Variants in ZC3H11A observed in about 807,000 individuals in gnomAD.
ZC3H11A encodes the protein zinc finger CCCH domain-containing protein 11A.
A neutral mutation model predicts 90.8 loss-of-function variants in ZC3H11A; 22 were observed. The ratio of observed to expected loss-of-function variants is 0.24; its 90% CI spans 0.17 to 0.35. The LOEUF (loss-of-function observed/expected upper bound fraction) is 0.35. Ranked by LOEUF, ZC3H11A falls within the 10% of genes least tolerant of loss-of-function variation. ZC3H11A has a pLI of 1.00. For missense variants in ZC3H11A, 701 were observed against 964.9 expected, an observed-to-expected ratio of 0.73 and a Z score of 3.62; for synonymous variants, 294 against 339.8, an observed-to-expected ratio of 0.87 and a Z score of 1.48.
At chr1:203,837,826 TA>T in intron 10 of ZC3H11A, 139 bp from the exon 11 acceptor site, 1 of 766,060 alleles carries the variant, frequency 1.3e-6, no homozygotes, top group Non-Finnish European at 2.1e-6. Flanking sequence ...CATTGAACTC[TA>T]AGGAAGCTGG....
At chr1:203,809,312 A>G (rs1190983351) in intron 2 of ZC3H11A, among the ~76,000 whole-genome samples, 2 of 150,508 alleles carry the variant, frequency 1.3e-5, no homozygotes, top group Non-Finnish European at 2.9e-5. Flanking sequence ...AGTAACTGGG[A>G]CAACAGGCGC....
At position 203,852,336 on chromosome 1, in the gene ZC3H11A, C is replaced by G. The variant is rs776806055; in HGVS notation, c.2370C>G (p.Asp790Glu). 6.2e-7 allele frequency: 1 copy of G among 1,613,652 alleles called. No individual in the cohort carries two copies. Among genetic ancestry groups the G allele is most frequent in the Non-Finnish European group, 8.5e-7 (1 of 1,179,852 alleles). The change falls in exon 18 of 18, where the codon GAC becomes GAG. Residue 790 changes from aspartate (D) to glutamate (E), a missense_variant. By Grantham distance (45) the Asp-to-Glu change is conservative. Coordinates refer to ENST00000367210, the MANE Select transcript of ZC3H11A (RefSeq NM_001376342.1). Reference protein sequence around the residue: ...ISGGKLEAEIDLDPGKDEDDL... With the variant: ...ISGGKLEAEIELDPGKDEDDL... The stretch of plus-strand genomic sequence containing the variant: ...GAGGCAAATTGGAAGCTGAGATTGA[C>G]CTGGATCCTGGGAAAGATGAAGATG...
intron 4 of ZC3H11A, among the ~76,000 whole-genome samples, 179 bp from the exon 5 acceptor site, chr1:203,828,120 G>C (rs183250667): frequency 1.2e-4 from 19 of 152,278 alleles, no homozygotes; most frequent in Admixed American, 1.2e-3. Context: ...GCTCCATTCA[G>C]CTCTCCATCA....
intron 17 of ZC3H11A, among the ~76,000 whole-genome samples, chr1:203,851,561 G>C (rs35901298): frequency 0.13 from 19,607 of 152,056 alleles, 1,438 homozygotes; most frequent in Non-Finnish European, 0.15. Context: ...AACTCCTGAC[G>C]TCAAGTGATC....
rs41310877 is a variant in ZC3H11A at position 203,799,250 on chromosome 1, T to C, written c.-1587-2325T>C. On this transcript the variant is annotated intron_variant, in intron 1 of 17. Coordinates refer to ENST00000367210, the MANE Select transcript of ZC3H11A (RefSeq NM_001376342.1). Reference sequence around the variant, plus strand: ...ATGTGGTACATGCAATCAAAGATGGTGGTTTTACCCATGTGCCATGCTTCC... The same window carrying C: ...ATGTGGTACATGCAATCAAAGATGGCGGTTTTACCCATGTGCCATGCTTCC... 2.2e-3 allele frequency: 1,760 copies of C among 810,802 alleles called. 7 individuals carry two copies. Among genetic ancestry groups the C allele is most frequent in the Non-Finnish European group, 2.8e-3 (1,340 of 483,840 alleles). 50.2% of individuals were successfully genotyped at this position (810,802 alleles called of 1,614,324 possible). A position where few individuals can be genotyped will look rare whatever the true frequency, so the allele number is the denominator to read the frequency against.
chr1:203,799,964 T>C (rs1441245118), intron 1 of ZC3H11A: 1 of 1,536,160 alleles, frequency 6.5e-7, no homozygotes, highest in Non-Finnish European at 8.7e-7. Flanking sequence ...AAATTCCAAC[T>C]TCAGAAGCTT....
chr1:203,853,032 T>C lies in ZC3H11A; in HGVS notation c.*633T>C, dbSNP rs1689599510. Reference sequence around the variant, plus strand: ...TAGCCTCTGAAGAGCAATATCTAATTTATTATTACTGTAATTTTTTAAAAG... The same window carrying C: ...TAGCCTCTGAAGAGCAATATCTAATCTATTATTACTGTAATTTTTTAAAAG... On this transcript the variant is annotated 3_prime_UTR_variant, in exon 18 of 18. Transcript: ENST00000367210. 1 of 152,442 alleles carries C rather than the reference T, an allele frequency of 6.6e-6. No individual in the cohort carries two copies. The highest frequency in any genetic ancestry group is 1.5e-5 in the Non-Finnish European group (1 of 68,088). 9.4% of individuals were successfully genotyped at this position (152,442 alleles called of 1,614,324 possible). A position where few individuals can be genotyped will look rare whatever the true frequency, so the allele number is the denominator to read the frequency against.
intron 2 of ZC3H11A, chr1:203,805,583 A>G (rs1672049321): frequency 4.8e-6 from 3 of 621,902 alleles, no homozygotes; most frequent in South Asian, 2.7e-5. Flanking sequence ...TCATAGTCCC[A>G]TAATATGTTT....
At position 203,816,284 on chromosome 1, in the gene ZC3H11A, A is replaced by G. The variant is rs554816561; in HGVS notation, c.-145-642A>G. On this transcript the variant is annotated intron_variant, in intron 2 of 17. Transcript: ENST00000367210. ...GTATGTAGTCTTTTGAGACTTTCAA[A>G]TTAGTAGGCAAAAATACATATATAC... Among the ~76,000 whole-genome samples the G allele has an allele frequency of 5.3e-5, 8 of 152,284 alleles. No homozygotes were observed. The South Asian group carries it at 1.7e-3, about 32-fold the overall frequency.
chr1:203,851,876 A>G (rs112859980), intron 17 of ZC3H11A, among the ~76,000 whole-genome samples: 8,864 of 150,966 alleles, frequency 0.059, 783 homozygotes, highest in East Asian at 0.4. Context: ...GGCGGAGGCA[A>G]AATGATCGCT....
intron 2 of ZC3H11A, among the ~76,000 whole-genome samples, chr1:203,812,816 A>G (rs1237584313): frequency 6.6e-6 from 1 of 152,222 alleles, no homozygotes; most frequent in Non-Finnish European, 1.5e-5. Flanking sequence ...TCCTGACCTC[A>G]GATGACCCAC....
Position 203,837,961 on chromosome 1 carries a change from T to C in ZC3H11A, c.875-5T>C, listed in dbSNP as rs934602371. ...AATCTTAAACTAAGTTCTCCCTCTTTATAGGCGGTGACAGTGATCCTCCAT... is the reference window on the plus strand; with the variant it reads ...AATCTTAAACTAAGTTCTCCCTCTTCATAGGCGGTGACAGTGATCCTCCAT... On this transcript the variant is annotated splice_polypyrimidine_tract_variant and splice_region_variant and intron_variant, in intron 10 of 17. Transcript: ENST00000367210. 5.0e-6 allele frequency: 8 copies of C among 1,607,120 alleles called. No homozygotes were observed. The highest frequency in any genetic ancestry group is 6.8e-6 in the Non-Finnish European group (8 of 1,178,174).
chr1:203,833,092 G>A (rs4951269), intron 9 of ZC3H11A, among the ~76,000 whole-genome samples: 17 of 152,154 alleles, frequency 1.1e-4, no homozygotes, highest in African/African-American at 2.9e-4. Context: ...AAATTAGGCT[G>A]GGTGTGGTGG....
intron 1 of ZC3H11A, chr1:203,797,965 G>A (rs1413491232): frequency 6.5e-6 from 10 of 1,535,672 alleles, no homozygotes; most frequent in Non-Finnish European, 7.8e-6. Context: ...TACACCTGGC[G>A]GGCCATTTGT....
chr1:203,848,410 A>T lies in ZC3H11A; in HGVS notation c.1623+3A>T, dbSNP rs974357903. 1 of 1,603,588 alleles carries T rather than the reference A, an allele frequency of 6.2e-7. No homozygotes were observed. Among genetic ancestry groups the T allele is most frequent in the African/African-American group, 1.3e-5 (1 of 74,418 alleles). On this transcript the variant is annotated splice_donor_region_variant and intron_variant, in intron 14 of 17. Transcript: ENST00000367210. Reference sequence around the variant, plus strand: ...GTATTAGAACAGAAGCTAAAGAGGTAAATTTAAGATTATTGTATGGTTTTG... The same window carrying T: ...GTATTAGAACAGAAGCTAAAGAGGTTAATTTAAGATTATTGTATGGTTTTG...
rs766895586 is a variant in ZC3H11A at position 203,847,541 on chromosome 1, A to G, written c.1400A>G (p.Gln467Arg). Residue 467 changes from glutamine (Q) to arginine (R), a missense_variant, in exon 13 of 18, where the codon CAG (glutamine) becomes CGG (arginine). Physicochemically the swap from Gln to Arg is conservative, Grantham distance 43. Around this residue, in one of 4 missense-constraint regions of ZC3H11A, gnomAD observed 530 missense variants for 696.2 expected, o/e 0.76. Coordinates refer to ENST00000367210, the MANE Select transcript of ZC3H11A (RefSeq NM_001376342.1). ...CCTGCAGGTAAAACAAAGTCTATGC[A>G]GGAGGTGCACATCAAGACGCTGGAA... is the stretch of plus-strand genomic sequence containing the variant. ...EEPAGKTKSM[Q>R]EVHIKTLEEI... is the part of the protein sequence containing the mutation. The G allele has an allele frequency of 6.2e-7, 1 of 1,614,008 alleles. No individual in the cohort carries two copies. Among genetic ancestry groups the G allele is most frequent in the South Asian group, 1.1e-5 (1 of 91,082 alleles).
chr1:203,829,958 TCA>T, intron 7 of ZC3H11A, 62 bp downstream of exon 7: 1 of 1,482,066 alleles, frequency 6.7e-7, no homozygotes. Context: ...GAAATTTAGT[TCA>T]CAATCATTGA....
chr1:203,826,025 T>C (rs143844899), intron 4 of ZC3H11A, among the ~76,000 whole-genome samples: 57 of 152,298 alleles, frequency 3.7e-4, no homozygotes, highest in Non-Finnish European at 7.1e-4. Flanking sequence ...ATTTGAAAAT[T>C]GCTTCCAGGA....
At chr1:203,805,997 C>G in intron 2 of ZC3H11A, 1 of 569,654 alleles carries the variant, frequency 1.8e-6, no homozygotes, top group Non-Finnish European at 3.4e-6. Context: ...GTGTAATTAA[C>G]TTGTTTCATG....
Sources: gnomAD v4.1 joint callset for allele counts (sites outside exome capture counted in the v4.1 genomes callset) on GRCh38, gnomAD v4.1.1 for gene constraint, gnomAD v4.1.1 regional missense constraint, MANE v1.5 for transcripts, NCBI Gene and HGNC (gene_info 2026-07-23, HGNC 2026-07-21) for gene names.